The following SLC75A1 variants were observed in gnomAD, a reference collection of about 807,000 sequenced individuals.
SLC75A1 encodes the protein solute carrier family 75 member 1, also known as major facilitator superfamily domain containing 10.
the SLC75A1 span, chr4:2,931,881 G>C: frequency 6.2e-7 from 1 of 1,611,426 alleles, no homozygotes; most frequent in East Asian, 2.2e-5. Context: ...CCAGGCCCGA[G>C]AACAGGAAGA....
At chr4:2,931,988 C>T in the SLC75A1 span, 119 of 1,601,910 alleles carry the variant, frequency 7.4e-5, no homozygotes, top group East Asian at 1.8e-4. Flanking sequence ...GGAAGGGCGC[C>T]GCCCGGGGAA....
At chr4:2,932,096 G>T in the SLC75A1 span, 1 of 1,610,910 alleles carries the variant, frequency 6.2e-7, no homozygotes. Context: ...AAGCGCAGCA[G>T]GGCCAGGGGG....
chr4:2,933,274 A>G, the SLC75A1 span: 7 of 1,469,678 alleles, frequency 4.8e-6, no homozygotes, highest in Non-Finnish European at 6.6e-6. Context: ...TGGGGCCCTC[A>G]AGGCCAATGT....
At chr4:2,932,962 C>T in the SLC75A1 span, 16 of 1,026,002 alleles carry the variant, frequency 1.6e-5, no homozygotes, top group African/African-American at 4.9e-5. Flanking sequence ...ACTGGTCCCC[C>T]GAGAACCCCC....
chr4:2,931,659 G>A, the SLC75A1 span: 10 of 1,612,580 alleles, frequency 6.2e-6, no homozygotes, highest in Non-Finnish European at 7.6e-6. Context: ...TTCCCCTGCT[G>A]TAGGCTGGGA....
At chr4:2,931,273 G>T in the SLC75A1 span, 1 of 1,555,784 alleles carries the variant, frequency 6.4e-7, no homozygotes, top group Non-Finnish European at 8.7e-7. Flanking sequence ...CAACGGCGGC[G>T]GCTGGTGGGA....
At chr4:2,933,138 A>C in the SLC75A1 span, 1 of 1,613,664 alleles carries the variant, frequency 6.2e-7, no homozygotes, top group Non-Finnish European at 8.5e-7. Context: ...CGCCTCCCCA[A>C]GCAGTCAGAG....
the SLC75A1 span, chr4:2,932,184 A>T: frequency 1.3e-5 from 21 of 1,580,216 alleles, no homozygotes; most frequent in Non-Finnish European, 1.6e-5. Flanking sequence ...AGCCTGCAGG[A>T]GCGGCTGCTG....
chr4:2,931,588 G>GCATAGGC, the SLC75A1 span: 1 of 1,613,316 alleles, frequency 6.2e-7, no homozygotes, highest in Non-Finnish European at 8.5e-7. Context: ...CGCCAGGGTG[G>GCATAGGC]ATCCGCCGGG....
At chr4:2,932,699 C>T in the SLC75A1 span, 3 of 1,606,220 alleles carry the variant, frequency 1.9e-6, no homozygotes, top group African/African-American at 1.3e-5. Context: ...GCCTGGAGGC[C>T]AGGAAGGCCG....
chr4:2,932,675 G>A, the SLC75A1 span: 1 of 1,610,972 alleles, frequency 6.2e-7, no homozygotes, highest in Non-Finnish European at 8.5e-7. Flanking sequence ...TCCCTTTGCT[G>A]ATGCCCCCAA....
the SLC75A1 span, chr4:2,932,628 C>G: frequency 6.2e-7 from 1 of 1,613,052 alleles, no homozygotes; most frequent in East Asian, 2.2e-5. Context: ...CAGAGGCGAG[C>G]CCAGGTCAGC....
chr4:2,932,786 G>C, the SLC75A1 span: 1 of 1,534,770 alleles, frequency 6.5e-7, no homozygotes, highest in Non-Finnish European at 8.7e-7. Context: ...CCAAGAGGCA[G>C]GGGCGGTCGC....
At chr4:2,930,848 T>C in the SLC75A1 span, 21 of 1,612,912 alleles carry the variant, frequency 1.3e-5, no homozygotes, top group African/African-American at 2.1e-4. Flanking sequence ...CTACTCAGCC[T>C]TGAGCGTCTG....
chr4:2,934,146 C>T, the SLC75A1 span: 7 of 598,396 alleles, frequency 1.2e-5, no homozygotes, highest in Admixed American at 3.0e-5. Flanking sequence ...GGGGATTGCA[C>T]AAAAAATAGC....
the SLC75A1 span, chr4:2,933,740 G>T: frequency 9.7e-4 from 1,551 of 1,604,460 alleles, 8 homozygotes; most frequent in African/African-American, 0.018. Context: ...TGGGCCGCAG[G>T]GCAAGGACTC....
At chr4:2,932,560 G>A in the SLC75A1 span, 1 of 1,612,424 alleles carries the variant, frequency 6.2e-7, no homozygotes, top group Non-Finnish European at 8.5e-7. Flanking sequence ...AGGCCCAGAA[G>A]TCACCACCAG....
chr4:2,931,146 T>G, the SLC75A1 span: 7 of 1,564,468 alleles, frequency 4.5e-6, no homozygotes, highest in South Asian at 8.2e-5. Context: ...TCTGCCCTGG[T>G]GAGCCTGTGG....
At chr4:2,932,812 G>T in the SLC75A1 span, 1 of 1,521,782 alleles carries the variant, frequency 6.6e-7, no homozygotes, top group Non-Finnish European at 8.8e-7. Flanking sequence ...GCCAGGAGTG[G>T]CTCAGAGTAG....
Sources: gnomAD v4.1 joint callset for allele counts on GRCh38, gnomAD v4.1.1 for gene constraint, MANE v1.5 for transcripts, NCBI Gene and HGNC (gene_info 2026-07-23, HGNC 2026-07-21) for gene names.